The following AGBL1 variants were observed in gnomAD, a reference collection of about 807,000 sequenced individuals.
AGBL1 encodes AGBL carboxypeptidase 1.
AGBL1 carries 130 observed loss-of-function variants against 118.9 expected under a neutral mutation model. The observed-to-expected ratio is 1.09, with a 90% confidence interval of 0.95 to 1.26. The LOEUF (loss-of-function observed/expected upper bound fraction) is 1.26, where lower values mean the gene tolerates loss of function less well. AGBL1 is among the 50% of genes most tolerant of loss of function. The pLI, the probability that AGBL1 is intolerant of heterozygous loss-of-function variation, is 0.00. For synonymous variants in AGBL1, 555 were observed against 478.9 expected (o/e 1.16, Z -2.08); for missense variants, 1,584 against 1,298.1 (o/e 1.22, Z -3.38).
chr15:86,568,575 C>A (rs1451780535), intron 21 of AGBL1, among the ~76,000 whole-genome samples: 1 of 152,196 alleles, frequency 6.6e-6, no homozygotes, highest in African/African-American at 2.4e-5. Flanking sequence ...ATTAAGCAGT[C>A]TAAATCTTCT....
At chr15:86,867,147 C>T (rs1322448409) in intron 22 of AGBL1, among the ~76,000 whole-genome samples, 1 of 151,956 alleles carries the variant, frequency 6.6e-6, no homozygotes, top group East Asian at 1.9e-4. Context: ...AGGACTTAAG[C>T]TTTATCCTTT....
chr15:86,825,323 A>T (rs58919172), intron 22 of AGBL1, among the ~76,000 whole-genome samples: 1 of 142,856 alleles, frequency 7.0e-6, no homozygotes, highest in Non-Finnish European at 1.5e-5. Flanking sequence ...GGTTTCATCA[A>T]TATTAAACAC....
Position 86,953,863 on chromosome 15 carries a change from G to A in AGBL1, c.3222-34124G>A, listed in dbSNP as rs985019190. On this transcript the variant is annotated intron_variant, in intron 23 of 24. Transcript: ENST00000441037. ...TTCTGGGTATAGAATTATATAATCAGCAAAAAGAAATAGTTTGATTTCTGC... is the reference window on the plus strand; with the variant it reads ...TTCTGGGTATAGAATTATATAATCAACAAAAAGAAATAGTTTGATTTCTGC... Among the ~76,000 whole-genome samples the A allele has an allele frequency of 2.0e-5, 3 of 152,090 alleles. No homozygotes were observed. In the South Asian group the frequency reaches 6.2e-4, roughly 32 times the overall value.
intron 6 of AGBL1, among the ~76,000 whole-genome samples, chr15:86,244,093 A>ATG (rs2078682452): frequency 6.6e-6 from 1 of 150,722 alleles, no homozygotes; most frequent in African/African-American, 2.4e-5. Flanking sequence ...ATAAATATAT[A>ATG]TATAAGTAAA....
At chr15:86,980,685 T>C (rs1286074127) in intron 23 of AGBL1, among the ~76,000 whole-genome samples, 1 of 152,126 alleles carries the variant, frequency 6.6e-6, no homozygotes, top group East Asian at 1.9e-4. Flanking sequence ...AATACAATAT[T>C]GACATCATAC....
chr15:86,828,095 T>G (rs187740189), intron 22 of AGBL1, among the ~76,000 whole-genome samples: 3 of 151,494 alleles, frequency 2.0e-5, no homozygotes, highest in African/African-American at 7.3e-5. Flanking sequence ...ACATGCCACC[T>G]TGCCCAACTA....
At chr15:86,674,147 CA>C in intron 21 of AGBL1, 125 bp from the exon 22 acceptor site, 2 of 928,632 alleles carry the variant, frequency 2.2e-6, no homozygotes, top group Non-Finnish European at 3.2e-6. Flanking sequence ...CAGTGACTGA[CA>C]AATACAATTA....
intron 22 of AGBL1, among the ~76,000 whole-genome samples, chr15:86,843,094 A>G (rs62032584): frequency 0.16 from 24,735 of 152,170 alleles, 2,123 homozygotes; most frequent in South Asian, 0.29. Flanking sequence ...CTCTCACTCA[A>G]AACTACAGAT....
chr15:86,205,305 A>G (rs1440203415), intron 5 of AGBL1, among the ~76,000 whole-genome samples: 1 of 152,230 alleles, frequency 6.6e-6, no homozygotes, highest in East Asian at 1.9e-4. Context: ...TTAGTTGTGA[A>G]TAACATTCCA....
At chr15:86,642,168 G>A (rs923482876) in intron 21 of AGBL1, among the ~76,000 whole-genome samples, 7 of 152,142 alleles carry the variant, frequency 4.6e-5, no homozygotes, top group African/African-American at 1.7e-4. Flanking sequence ...AGTGGTGACT[G>A]TAAAGTCATA....
At chr15:86,578,751 T>A (rs1462501903) in intron 21 of AGBL1, among the ~76,000 whole-genome samples, 1 of 152,156 alleles carries the variant, frequency 6.6e-6, no homozygotes, top group African/African-American at 2.4e-5. Context: ...AGCTCTCTCT[T>A]TTTGCCTCTT....
At chr15:87,003,811 A>G (rs1442934700) in intron 24 of AGBL1, among the ~76,000 whole-genome samples, 1 of 152,086 alleles carries the variant, frequency 6.6e-6, no homozygotes, top group Non-Finnish European at 1.5e-5. Context: ...TTTCTGTGGG[A>G]TCGGTGGTGA....
intron 17 of AGBL1, among the ~76,000 whole-genome samples, chr15:86,313,401 G>A (rs1228341847): frequency 1.3e-5 from 2 of 152,180 alleles, no homozygotes; most frequent in East Asian, 1.9e-4. Flanking sequence ...AAAAAGAAAT[G>A]TAGCCAGAGG....
rs1414601176 is a variant in AGBL1, at chr15:86,568,935, A to G, written c.2994+14398A>G. On this transcript the variant is annotated intron_variant, in intron 21 of 22. Coordinates refer to ENST00000614907, the MANE Select transcript of AGBL1 (RefSeq NM_001386094.1). ...GCTGTATGTATGATAAATATGATTT[A>G]AAAGTTGAAAATAAATAATTCCTAG... Among the ~76,000 whole-genome samples the G allele has an allele frequency of 4.6e-5, 7 of 152,332 alleles. No individual in the cohort carries two copies. The South Asian group carries it at 1.0e-3, about 23-fold the overall frequency.
At chr15:86,312,584 C>T (rs1190748755) in intron 17 of AGBL1, among the ~76,000 whole-genome samples, 1 of 152,210 alleles carries the variant, frequency 6.6e-6, no homozygotes, top group African/African-American at 2.4e-5. Context: ...TGCTGCAGCT[C>T]AGAGGGAATT....
chr15:86,284,019 C>T (rs965437665), intron 16 of AGBL1, among the ~76,000 whole-genome samples: 4 of 151,752 alleles, frequency 2.6e-5, no homozygotes, highest in South Asian at 2.1e-4. Context: ...TAGGCTATTT[C>T]GAAGATTAAA....
intron 21 of AGBL1, among the ~76,000 whole-genome samples, chr15:86,574,024 C>A (rs12593647): frequency 0.24 from 36,867 of 151,848 alleles, 5,509 homozygotes; most frequent in African/African-American, 0.42. Context: ...AAACTACCAG[C>A]GACCAAACAA....
intron 21 of AGBL1, among the ~76,000 whole-genome samples, chr15:86,665,133 G>A (rs1338473666): frequency 2.0e-5 from 3 of 152,176 alleles, no homozygotes; most frequent in East Asian, 1.9e-4. Context: ...TCCCTATGAC[G>A]TTGCCAATTT....
chr15:86,859,480 C>G (rs994770744), intron 22 of AGBL1, among the ~76,000 whole-genome samples: 2 of 152,158 alleles, frequency 1.3e-5, no homozygotes, highest in East Asian at 3.9e-4. Context: ...AACCCTCTTC[C>G]CCTTAAATCT....
Sources: gnomAD v4.1 joint callset for allele counts (sites outside exome capture counted in the v4.1 genomes callset) on GRCh38, gnomAD v4.1.1 for gene constraint, MANE v1.5 for transcripts, NCBI Gene and HGNC (gene_info 2026-07-23, HGNC 2026-07-21) for gene names.